RHOU: variants seen among roughly 807,000 people sequenced by gnomAD.
The protein encoded by RHOU is rho-related GTP-binding protein RhoU.
RHOU carries 8 observed loss-of-function variants against 12.6 expected under a neutral mutation model. The observed-to-expected ratio is 0.64, with a 90% CI of 0.37 to 1.15. The LOEUF (loss-of-function observed/expected upper bound fraction) is 1.15, where lower values mean the gene tolerates loss of function less well. Among genes scored for constraint, RHOU ranks in the 50% most tolerant of loss-of-function variants. The pLI is 0.01. For synonymous variants in RHOU, 161 were observed against 147.4 expected (o/e 1.09, Z -0.67); for missense variants, 258 against 347.0 (o/e 0.74, Z 2.04).
rs1662629488 is a variant in RHOU, at chr1:228,737,236, T to C, written c.263-437T>C. Among the ~76,000 whole-genome samples, 1 of 152,224 alleles carries C rather than the reference T, an allele frequency of 6.6e-6. No individual in the cohort carries two copies. Among genetic ancestry groups the C allele is most frequent in the Non-Finnish European group, 1.5e-5 (1 of 68,036 alleles). The stretch of plus-strand genomic sequence containing the variant: ...ATGTTCTCAAAACACACTAGAATTG[T>C]ATGATAAACCCTGAAGTTGGGGAAC... On this transcript the variant is annotated intron_variant, in intron 1 of 2. Coordinates refer to ENST00000366691, the MANE Select transcript of RHOU (RefSeq NM_021205.6). The surrounding 1 kb of genome is among the most constrained non-coding windows in gnomAD (Gnocchi z 4.1).
upstream of RHOU, among the ~76,000 whole-genome samples, chr1:228,734,800 T>G (rs967149846): frequency 2.6e-5 from 4 of 152,186 alleles, no homozygotes; most frequent in African/African-American, 9.7e-5. Context: ...TCAGACATAT[T>G]AATGTCTCCG....
At chr1:228,661,253 G>A in the RHOU span, among the ~76,000 whole-genome samples, 36 of 152,156 alleles carry the variant, frequency 2.4e-4, no homozygotes, top group East Asian at 1.7e-3. Flanking sequence ...GAAAATGGCC[G>A]TACTGCCCAA....
At chr1:228,707,753 C>T in the RHOU span, among the ~76,000 whole-genome samples, 45 of 152,172 alleles carry the variant, frequency 3.0e-4, no homozygotes, top group African/African-American at 1.1e-3. Context: ...CAGAGTGCCT[C>T]TCCTCCTCCA....
At chr1:228,705,106 G>GTT in the RHOU span, among the ~76,000 whole-genome samples, 7 of 144,202 alleles carry the variant, frequency 4.9e-5, no homozygotes, top group East Asian at 2.0e-4. Context: ...CTGGCCAAGA[G>GTT]TTTTTTTTTT....
chr1:228,697,708 T>A, the RHOU span, among the ~76,000 whole-genome samples: 5 of 152,166 alleles, frequency 3.3e-5, no homozygotes, highest in African/African-American at 1.2e-4. Context: ...GGCCTGGTAT[T>A]GGTGGAAGAT....
chr1:228,703,377 T>A, the RHOU span, among the ~76,000 whole-genome samples: 1 of 151,618 alleles, frequency 6.6e-6, no homozygotes, highest in African/African-American at 2.4e-5. Context: ...ATAGAAAAAA[T>A]TAGCCAGGTG....
At chr1:228,711,017 GACAA>G in the RHOU span, among the ~76,000 whole-genome samples, 58 of 151,894 alleles carry the variant, frequency 3.8e-4, no homozygotes, top group Non-Finnish European at 7.9e-4. Context: ...TACACCAACA[GACAA>G]ACAGAGAGCC....
At chr1:228,684,529 A>C in the RHOU span, among the ~76,000 whole-genome samples, 4 of 151,628 alleles carry the variant, frequency 2.6e-5, no homozygotes, top group African/African-American at 9.8e-5. Flanking sequence ...GTGTTTTGCC[A>C]TGTTGGCCAG....
At chr1:228,684,772 G>A in the RHOU span, among the ~76,000 whole-genome samples, 1 of 152,164 alleles carries the variant, frequency 6.6e-6, no homozygotes, top group South Asian at 2.1e-4. Flanking sequence ...GAACCACAAG[G>A]ATGACTTCCA....
the RHOU span, among the ~76,000 whole-genome samples, chr1:228,701,074 G>T: frequency 1.3e-5 from 2 of 152,188 alleles, no homozygotes; most frequent in Non-Finnish European, 2.9e-5. Context: ...GGGCAACAGA[G>T]TGAGAGCCTG....
At chr1:228,705,363 G>T in the RHOU span, among the ~76,000 whole-genome samples, 1 of 152,034 alleles carries the variant, frequency 6.6e-6, no homozygotes, top group African/African-American at 2.4e-5. Context: ...GGGCTCTTGG[G>T]GGCCTAATTC....
At chr1:228,676,476 T>C in the RHOU span, among the ~76,000 whole-genome samples, 1 of 152,152 alleles carries the variant, frequency 6.6e-6, no homozygotes, top group Non-Finnish European at 1.5e-5. Context: ...CTGGTCAATA[T>C]GGTGAGTCTC....
chr1:228,734,642 T>C (rs1662555210), upstream of RHOU, among the ~76,000 whole-genome samples: 1 of 152,228 alleles, frequency 6.6e-6, no homozygotes, highest in African/African-American at 2.4e-5. Flanking sequence ...ATTAATAATA[T>C]GTGGCCCTTC....
chr1:228,728,363 T>G, the RHOU span, among the ~76,000 whole-genome samples: 1 of 152,216 alleles, frequency 6.6e-6, no homozygotes, highest in Non-Finnish European at 1.5e-5. Flanking sequence ...TTATCTCTTG[T>G]GATAATTCTG....
chr1:228,721,657 G>C, the RHOU span, among the ~76,000 whole-genome samples: 10 of 152,226 alleles, frequency 6.6e-5, no homozygotes, highest in African/African-American at 2.4e-4. Flanking sequence ...CCCAGACTTT[G>C]GTTTTGTTTT....
chr1:228,736,034 G>T, intron 1 of RHOU, 30 bp downstream of exon 1: 1 of 1,563,334 alleles, frequency 6.4e-7, no homozygotes. Flanking sequence ...GGGGCCGGGG[G>T]CGCGTGGCCG....
At chr1:228,684,709 G>A in the RHOU span, among the ~76,000 whole-genome samples, 6 of 152,120 alleles carry the variant, frequency 3.9e-5, no homozygotes, top group African/African-American at 1.4e-4. Context: ...CCATAAGGCA[G>A]GAAAAAACAT....
chr1:228,646,773 C>G, the RHOU span, among the ~76,000 whole-genome samples: 1 of 152,042 alleles, frequency 6.6e-6, no homozygotes, highest in Non-Finnish European at 1.5e-5. Flanking sequence ...CGTTCCGGAA[C>G]CCGCACGCGA....
the RHOU span, among the ~76,000 whole-genome samples, chr1:228,653,656 A>AT: frequency 6.6e-6 from 1 of 152,090 alleles, no homozygotes; most frequent in Non-Finnish European, 1.5e-5. Flanking sequence ...GGGTTTCACC[A>AT]TTTTAGCCAG....
Sources: gnomAD v4.1 joint callset for allele counts (sites outside exome capture counted in the v4.1 genomes callset) on GRCh38, gnomAD v4.1.1 for gene constraint, Gnocchi (gnomAD v3.1) non-coding constraint, MANE v1.5 for transcripts, NCBI Gene and HGNC (gene_info 2026-07-23, HGNC 2026-07-21) for gene names.